Variants in PSMA1 observed in about 807,000 individuals in gnomAD.
PSMA1 encodes the protein proteasome 20S subunit alpha 1.
In PSMA1, 3 loss-of-function variants were observed where a neutral mutation model predicts 38.4. The ratio of observed to expected loss-of-function variants is 0.08; its 90% CI spans 0.04 to 0.20. The LOEUF (loss-of-function observed/expected upper bound fraction) is 0.20. Among genes scored for constraint, PSMA1 ranks in the 10% least tolerant of loss-of-function variants. The probability of loss-of-function intolerance (pLI) is 1.00; values close to 1 mark genes in which losing one functional copy is unlikely to be tolerated. For missense variants in PSMA1, 227 were observed against 325.3 expected (o/e 0.70, Z 2.32); for synonymous variants, 101 against 107.1 (o/e 0.94, Z 0.35).
chr11:14,566,775 G>T (rs117724954), intron 2 of PSMA1, among the ~76,000 whole-genome samples: 1 of 152,054 alleles, frequency 6.6e-6, no homozygotes, highest in Non-Finnish European at 1.5e-5. Context: ...AAACAGGAGC[G>T]CTGAGCAAAC....
Position 14,565,357 on chromosome 11 carries a change from A to T in PSMA1, c.21+45609T>A, listed in dbSNP as rs551972996. On this transcript the variant is annotated intron_variant, in intron 2 of 10. Transcript: ENST00000418988. ...AAAGAACCAGCTCTTAGTTTTGTTA[A>T]TTTTCTCTATTCTTTGTTTTTCACT... 4.6e-5 allele frequency among the ~76,000 whole-genome samples: 7 copies of T among 151,600 alleles called. No individual in the cohort carries two copies. In the East Asian group the frequency reaches 1.4e-3, roughly 30 times the overall value.
chr11:14,581,519 G>C (rs530304676), intron 2 of PSMA1, among the ~76,000 whole-genome samples: 9 of 152,062 alleles, frequency 5.9e-5, no homozygotes, highest in Non-Finnish European at 1.2e-4. Flanking sequence ...CCCTTAATAA[G>C]AGTGATCAGT....
intron 2 of PSMA1, among the ~76,000 whole-genome samples, chr11:14,549,501 AC>A (rs1851863053): frequency 6.6e-6 from 1 of 152,120 alleles, no homozygotes; most frequent in South Asian, 2.1e-4. Context: ...GGAGATCGAG[AC>A]CATCCTGGCT....
intron 1 of PSMA1, among the ~76,000 whole-genome samples, chr11:14,629,637 A>C (rs887547152): frequency 6.6e-6 from 1 of 152,086 alleles, no homozygotes; most frequent in Non-Finnish European, 1.5e-5. Context: ...CTTAGGATTG[A>C]CTTGGTGATG....
chr11:14,507,700 G>A lies in PSMA1; in HGVS notation c.691C>T (p.Pro231Ser), dbSNP rs1462508570. The A allele has an allele frequency of 6.2e-7, 1 of 1,613,102 alleles. No homozygotes were observed. Among genetic ancestry groups the A allele is most frequent in the African/African-American group, 1.3e-5 (1 of 74,934 alleles). The change falls in exon 9 of 10, where the codon CCA becomes TCA. Residue 231 changes from proline (P) to serine (S), a missense_variant. Coordinates refer to ENST00000396394, the MANE Select transcript of PSMA1 (RefSeq NM_002786.4). Reference protein sequence around the residue: ...FTIYDDDDVSPFLEGLEERPQ... With the variant: ...FTIYDDDDVSSFLEGLEERPQ... ...CTTTCTTCAAGACCTTCCAGGAATG[G>A]AGACACATCATCATCATCATAGATT...
intron 2 of PSMA1, among the ~76,000 whole-genome samples, chr11:14,546,989 GA>G (rs1184582362): frequency 1.3e-5 from 2 of 152,190 alleles, no homozygotes; most frequent in Non-Finnish European, 2.9e-5. Flanking sequence ...TGGTGACTAA[GA>G]GATGGAATGA....
rs1355315459 is a variant in PSMA1 at position 14,625,960 on chromosome 11, CT to C, written c.-165-14810del. ...GGTATGAAGAAGACAGACTTAGAAT[CT>C]ACCTCCTGTACTGGATCTACAGAAA... On this transcript the variant is annotated intron_variant, in intron 1 of 10. Transcript: ENST00000418988. 3.3e-5 allele frequency among the ~76,000 whole-genome samples: 5 copies of C among 152,182 alleles called. No individual in the cohort carries two copies. The East Asian group carries it at 9.6e-4, about 29-fold the overall frequency.
At chr11:14,597,097 A>C (rs907837962) in intron 2 of PSMA1, among the ~76,000 whole-genome samples, 3 of 152,154 alleles carry the variant, frequency 2.0e-5, no homozygotes, top group Non-Finnish European at 4.4e-5. Context: ...GATGAAGCCA[A>C]CTTGATCATG....
chr11:14,588,809 T>G (rs1354787913), intron 2 of PSMA1, among the ~76,000 whole-genome samples: 1 of 152,230 alleles, frequency 6.6e-6, no homozygotes, highest in African/African-American at 2.4e-5. Context: ...TCTGTATGCT[T>G]CCCCTTGCTC....
chr11:14,638,508 T>C (rs1169488685), intron 1 of PSMA1, among the ~76,000 whole-genome samples: 4 of 19,858 alleles, frequency 2.0e-4, no homozygotes, highest in Non-Finnish European at 3.2e-4. Flanking sequence ...GAAACACACC[T>C]CTCTCTCTCT....
At chr11:14,532,239 C>T (rs2134159906) in intron 2 of PSMA1, among the ~76,000 whole-genome samples, 1 of 152,234 alleles carries the variant, frequency 6.6e-6, no homozygotes, top group Admixed American at 6.5e-5. Context: ...TATGCCCTTC[C>T]CTATTTTCGA....
At chr11:14,599,672 G>C (rs999177981) in intron 2 of PSMA1, among the ~76,000 whole-genome samples, 1 of 152,124 alleles carries the variant, frequency 6.6e-6, no homozygotes, top group African/African-American at 2.4e-5. Flanking sequence ...GCTTCCTCGA[G>C]ATGGGTTTGA....
rs1382531638 is a variant in PSMA1 at position 14,633,492 on chromosome 11, C to G, written c.-166+9963G>C. On this transcript the variant is annotated intron_variant, in intron 1 of 10. Transcript: ENST00000418988. ...GACCCACTTGAGGAGGCAGTCTGCC[C>G]GTTCTCAGATCTCCAGCTGCGTGCT... is the stretch of plus-strand genomic sequence containing the variant. Among the ~76,000 whole-genome samples the G allele has an allele frequency of 3.4e-3, 515 of 151,726 alleles. 4 individuals are homozygous for G. The highest frequency in any genetic ancestry group is 0.012 in the African/African-American group (479 of 41,406).
intron 2 of PSMA1, among the ~76,000 whole-genome samples, chr11:14,544,281 G>C (rs1402152267): frequency 6.6e-6 from 1 of 152,064 alleles, no homozygotes; most frequent in Non-Finnish European, 1.5e-5. Flanking sequence ...CAACCCGCCC[G>C]CCTTGGCCTC....
chr11:14,610,895 G>A, intron 2 of PSMA1: 1 of 1,505,750 alleles, frequency 6.6e-7, no homozygotes, highest in South Asian at 1.1e-5. Flanking sequence ...GTTTTGTTTT[G>A]TGGGGGCTCA....
chr11:14,643,642 G>C (rs1354231967), upstream of PSMA1: 1 of 150,756 alleles, frequency 6.6e-6, no homozygotes, highest in Non-Finnish European at 1.5e-5. Context: ...CCGCGGCGCG[G>C]GTGGCGGCGG....
chr11:14,511,520 T>C (rs924902054), intron 7 of PSMA1, among the ~76,000 whole-genome samples: 1 of 152,092 alleles, frequency 6.6e-6, no homozygotes, highest in African/African-American at 2.4e-5. Context: ...AAAGTCAGTG[T>C]AATTTTCAGT....
At chr11:14,545,534 T>C (rs1017279505) in intron 2 of PSMA1, among the ~76,000 whole-genome samples, 2 of 152,188 alleles carry the variant, frequency 1.3e-5, no homozygotes, top group Non-Finnish European at 2.9e-5. Context: ...CATTGTTCAG[T>C]TCCCACTTAG....
chr11:14,619,791 A>T (rs1235239215), intron 1 of PSMA1, among the ~76,000 whole-genome samples: 2 of 152,130 alleles, frequency 1.3e-5, no homozygotes, highest in Non-Finnish European at 2.9e-5. Context: ...TGTTATGTGT[A>T]ATTTCTAGGT....
Sources: allele counts gnomAD v4.1 joint callset (sites outside exome capture counted in the v4.1 genomes callset), GRCh38; gene constraint gnomAD v4.1.1; transcripts MANE v1.5; gene names NCBI Gene and HGNC (gene_info 2026-07-23, HGNC 2026-07-21).